Variants in BRAP observed in about 807,000 individuals in gnomAD.
The protein encoded by BRAP is BRCA1-associated protein.
In BRAP, 42 loss-of-function variants were observed where a neutral mutation model predicts 73.4. That is an observed-to-expected ratio of 0.57 (90% confidence interval 0.45 to 0.74). The LOEUF (loss-of-function observed/expected upper bound fraction) is 0.74. BRAP is among the 30% of genes least tolerant of loss of function. BRAP has a pLI of 0.00. For synonymous variants in BRAP, 255 were observed against 267.4 expected (o/e 0.95, Z 0.45); for missense variants, 593 against 751.4 (o/e 0.79, Z 2.46).
intron 10 of BRAP, among the ~76,000 whole-genome samples, chr12:111,651,570 T>C (rs1487178751): frequency 1.3e-5 from 2 of 151,112 alleles, no homozygotes; most frequent in Non-Finnish European, 2.9e-5. Flanking sequence ...TAAAAATAAA[T>C]GTTTTGTTCA....
chr12:111,652,354 G>C (rs979536522), intron 10 of BRAP, among the ~76,000 whole-genome samples: 3 of 152,046 alleles, frequency 2.0e-5, no homozygotes, highest in African/African-American at 7.2e-5. Context: ...CACCTGAGTA[G>C]CTGGGACTAT....
intron 8 of BRAP, 23 bp downstream of exon 8, chr12:111,659,184 T>G (rs761221691): frequency 7.5e-5 from 120 of 1,608,388 alleles, no homozygotes; most frequent in Non-Finnish European, 8.8e-5. Flanking sequence ...TGAGTCCAAA[T>G]TAGAAAAGAG....
At chr12:111,646,505 T>C (rs1336441210) in intron 11 of BRAP, among the ~76,000 whole-genome samples, 1 of 152,232 alleles carries the variant, frequency 6.6e-6, no homozygotes, top group East Asian at 1.9e-4. Context: ...CCAGGCACGG[T>C]GGCTCACGCC....
chr12:111,685,813 C>A lies in BRAP; in HGVS notation c.-21G>T. The stretch of plus-strand genomic sequence containing the variant: ...CTCATAGGGCAGGCGCTGGCCGGCG[C>A]GGGCCCCGGCGGGCTCAGGCGAGGC... On this transcript the variant is annotated 5_prime_UTR_variant, in exon 1 of 12. Transcript: ENST00000419234. The A allele has an allele frequency of 6.9e-7, 1 of 1,445,164 alleles. No individual in the cohort carries two copies. The highest frequency in any genetic ancestry group is 9.2e-7 in the Non-Finnish European group (1 of 1,090,354). 89.5% of individuals were successfully genotyped at this position (1,445,164 alleles called of 1,614,324 possible).
intron 11 of BRAP, among the ~76,000 whole-genome samples, chr12:111,647,322 A>G (rs1292949675): frequency 6.6e-6 from 1 of 152,220 alleles, no homozygotes; most frequent in Non-Finnish European, 1.5e-5. Context: ...ACAATTAAAC[A>G]GCATGCAGAT....
intron 1 of BRAP, among the ~76,000 whole-genome samples, chr12:111,685,016 C>G (rs1407005663): frequency 6.6e-6 from 1 of 152,164 alleles, no homozygotes; most frequent in African/African-American, 2.4e-5. Context: ...GACCAAGGAA[C>G]AGAGCCAGAG....
chr12:111,685,679 T>A lies in BRAP; in HGVS notation c.82+32A>T, dbSNP rs761182333. On this transcript the variant is annotated intron_variant, in intron 1 of 11. Coordinates refer to ENST00000419234, the MANE Select transcript of BRAP (RefSeq NM_006768.5). ...GAAGCCCTCCGGGCCCAGACCCGGC[T>A]ACAGGGAATGCGGCGAGGCCGCGGG... 10 of 1,590,568 alleles carry A rather than the reference T, an allele frequency of 6.3e-6. No individual in the cohort carries two copies. The East Asian group carries it at 1.6e-4, about 25-fold the overall frequency.
chr12:111,675,097 C>CA (rs1887329889), intron 4 of BRAP, among the ~76,000 whole-genome samples: 8 of 151,982 alleles, frequency 5.3e-5, no homozygotes, highest in African/African-American at 1.7e-4. Flanking sequence ...CCCATCTGTA[C>CA]AAAAAATACA....
Position 111,672,743 on chromosome 12 carries a change from T to C in BRAP, c.665A>G (p.Asn222Ser). ...ADADSFYMTC[N>S]GRQFNSIEDD... ...TTCTATTGAGTTGAACTGGCGGCCA[T>C]TGCATGTCATATAAAAACTATCCGC... Residue 222 changes from asparagine (N) to serine (S), a missense_variant, in exon 5 of 12, where the codon AAT (asparagine) becomes AGT (serine). Physicochemically the swap from Asn to Ser is conservative, Grantham distance 46 (BLOSUM62 1). Coordinates refer to ENST00000419234, the MANE Select transcript of BRAP (RefSeq NM_006768.5). The C allele has an allele frequency of 3.7e-6, 6 of 1,614,084 alleles. No individual in the cohort carries two copies. The highest frequency in any genetic ancestry group is 2.2e-5 in the South Asian group (2 of 91,076).
chr12:111,653,894 G>A (rs753687532), intron 10 of BRAP, among the ~76,000 whole-genome samples: 11 of 152,120 alleles, frequency 7.2e-5, no homozygotes. Context: ...GAGCTGCTCT[G>A]GCTTCCATTT....
At chr12:111,656,509 C>A (rs1473569303) in intron 9 of BRAP, among the ~76,000 whole-genome samples, 1 of 152,172 alleles carries the variant, frequency 6.6e-6, no homozygotes, top group African/African-American at 2.4e-5. Context: ...CAAATATGGG[C>A]AATGGGGAAC....
At chr12:111,648,842 C>T (rs971449944) in intron 11 of BRAP, among the ~76,000 whole-genome samples, 7 of 151,592 alleles carry the variant, frequency 4.6e-5, no homozygotes, top group Admixed American at 2.0e-4. Context: ...AGGAGAATGG[C>T]GTGAACCCGG....
chr12:111,684,115 G>A (rs757908795), intron 1 of BRAP, among the ~76,000 whole-genome samples: 106 of 152,252 alleles, frequency 7.0e-4, no homozygotes, highest in Middle Eastern at 3.4e-3. Context: ...AAAGGGAAAC[G>A]GAATTTGGAG....
At chr12:111,662,681 T>C (rs779961669) in intron 6 of BRAP, among the ~76,000 whole-genome samples, 3 of 152,088 alleles carry the variant, frequency 2.0e-5, no homozygotes, top group Non-Finnish European at 4.4e-5. Flanking sequence ...AAGGATCTAG[T>C]CCACTTCTTC....
In BRAP at chr12:111,644,075, A is replaced by T; in HGVS notation, c.*124T>A. On this transcript the variant is annotated 3_prime_UTR_variant, in exon 12 of 12. Transcript: ENST00000419234. ...TCACACACTAGCAAATGAAAGAGCC[A>T]AACAACTGTGGCTTGATCCTCACTT... The T allele has an allele frequency of 7.2e-7, 1 of 1,390,166 alleles. No individual in the cohort carries two copies. The highest frequency in any genetic ancestry group is 2.6e-5 in the Admixed American group (1 of 39,026). 86.1% of individuals were successfully genotyped at this position (1,390,166 alleles called of 1,614,324 possible).
At chr12:111,675,991 C>T (rs1887363765) in intron 4 of BRAP, among the ~76,000 whole-genome samples, 1 of 152,084 alleles carries the variant, frequency 6.6e-6, no homozygotes, top group Non-Finnish European at 1.5e-5. Context: ...GACCAAGTTT[C>T]CTAAGGGTCA....
At chr12:111,664,055 G>A (rs1225166401) in intron 6 of BRAP, among the ~76,000 whole-genome samples, 1 of 152,176 alleles carries the variant, frequency 6.6e-6, no homozygotes, top group Non-Finnish European at 1.5e-5. Flanking sequence ...GATGGGTATC[G>A]TGGCTCATGC....
At chr12:111,673,275 CG>C (rs1431380689) in intron 4 of BRAP, 2 of 152,968 alleles carry the variant, frequency 1.3e-5, no homozygotes, top group African/African-American at 4.8e-5. Context: ...GAGGCCGAGG[CG>C]GGCGGATCGC....
chr12:111,650,742 G>T (rs1249433821), intron 10 of BRAP, among the ~76,000 whole-genome samples: 1 of 152,184 alleles, frequency 6.6e-6, no homozygotes, highest in East Asian at 1.9e-4. Flanking sequence ...TAAGAAACTT[G>T]TGACACTTGA....
Sources: allele counts gnomAD v4.1 joint callset (sites outside exome capture counted in the v4.1 genomes callset), GRCh38; gene constraint gnomAD v4.1.1; transcripts MANE v1.5; gene names NCBI Gene and HGNC (gene_info 2026-07-23, HGNC 2026-07-21).